The following ADRA1B variants were observed in gnomAD, a reference collection of about 807,000 sequenced individuals.
ADRA1B encodes the protein adrenoceptor alpha 1B.
A neutral mutation model predicts 17.9 loss-of-function variants in ADRA1B; 17 were observed. That is an observed-to-expected ratio of 0.95 (90% CI 0.65 to 1.42). ADRA1B has a LOEUF of 1.42. Ranked by LOEUF, ADRA1B falls within the 40% of genes most tolerant of loss-of-function variation. The pLI is 0.00. For missense variants in ADRA1B, 681 were observed against 722.1 expected, an observed-to-expected ratio of 0.94 and a Z score of 0.65; for synonymous variants, 366 against 327.6, an observed-to-expected ratio of 1.12 and a Z score of -1.27.
At position 159,916,833 on chromosome 5, in the gene ADRA1B, G is replaced by T. The variant is rs1418837954; in HGVS notation, c.-73G>T. On this transcript the variant is annotated 5_prime_UTR_variant, in exon 1 of 2. Coordinates refer to ENST00000306675, the MANE Select transcript of ADRA1B (RefSeq NM_000679.4). ...GACCACGGGGGAAGCAAAGTTTCAG[G>T]GCAGCTGAGGAGCCTTCGCCGCAGC... 6.6e-5 allele frequency: 94 copies of T among 1,430,724 alleles called. No individual in the cohort carries two copies. Among genetic ancestry groups the T allele is most frequent in the Non-Finnish European group, 8.4e-5 (89 of 1,057,362 alleles). The allele number at this position is 1,430,724 out of a possible 1,614,324, so 88.6% of individuals were successfully genotyped here. A position where few individuals can be genotyped will look rare whatever the true frequency, so the allele number is the denominator to read the frequency against.
intron 1 of ADRA1B, chr5:159,951,441 T>G: frequency 1.3e-6 from 1 of 752,522 alleles, no homozygotes. Context: ...AAAGCTGCCC[T>G]GGTGAGCAGG....
At chr5:159,939,325 G>A (rs1055932518) in intron 1 of ADRA1B, among the ~76,000 whole-genome samples, 2 of 117,628 alleles carry the variant, frequency 1.7e-5, no homozygotes, top group African/African-American at 2.9e-5. Context: ...GTGTGTGTGC[G>A]CGCGCGCGCG....
chr5:159,941,127 C>A (rs1755114175), intron 1 of ADRA1B, among the ~76,000 whole-genome samples: 1 of 152,184 alleles, frequency 6.6e-6, no homozygotes. Flanking sequence ...ACTGTGCTAT[C>A]AGATACAGTA....
At chr5:159,914,039 A>T (rs955786102), upstream of ADRA1B, among the ~76,000 whole-genome samples, 2 of 152,174 alleles carry the variant, frequency 1.3e-5, no homozygotes, top group African/African-American at 4.8e-5. Context: ...GTGGGAACTG[A>T]GTTCATGATA....
chr5:159,971,570 T>C (rs538199353), intron 1 of ADRA1B, among the ~76,000 whole-genome samples: 6 of 152,312 alleles, frequency 3.9e-5, no homozygotes, highest in African/African-American at 1.4e-4. Context: ...ATTATTGTTA[T>C]CACTTAGATT....
chr5:159,946,626 C>G (rs1755281320), intron 1 of ADRA1B, among the ~76,000 whole-genome samples: 1 of 152,192 alleles, frequency 6.6e-6, no homozygotes. Flanking sequence ...CTTCTGCAAT[C>G]AGAGATTTCT....
intron 1 of ADRA1B, among the ~76,000 whole-genome samples, chr5:159,959,703 G>T (rs184272307): frequency 1.5e-4 from 23 of 151,966 alleles, no homozygotes; most frequent in Middle Eastern, 3.4e-3. Context: ...CTAGATACTT[G>T]CATTTTAATA....
At chr5:159,903,875 C>T (rs1482716568) in intron 1 of ADRA1B, among the ~76,000 whole-genome samples, 1 of 152,120 alleles carries the variant, frequency 6.6e-6, no homozygotes, top group African/African-American at 2.4e-5. Context: ...GTGGAAGACT[C>T]AGGGCACAGC....
rs59807316 is a variant in ADRA1B at position 159,927,381 on chromosome 5, GCACACA to G, written c.949+9555_949+9560del. ...ATAATAAAATTATAAATTAAAACAT[GCACACA>G]CACACACACACACACACACACACAC... On this transcript the variant is annotated intron_variant, in intron 1 of 1. Transcript: ENST00000306675. Among the ~76,000 whole-genome samples the G allele has an allele frequency of 1.8e-3, 259 of 140,736 alleles. 1 individual carries two copies. Among genetic ancestry groups the G allele is most frequent in the African/African-American group, 5.2e-3 (195 of 37,374 alleles). The allele number at this position is 140,736 out of a possible 152,430, so 92.3% of individuals were successfully genotyped here. A position where few individuals can be genotyped will look rare whatever the true frequency, so the allele number is the denominator to read the frequency against.
At chr5:159,956,709 G>C (rs1235731403) in intron 1 of ADRA1B, among the ~76,000 whole-genome samples, 1 of 152,098 alleles carries the variant, frequency 6.6e-6, no homozygotes, top group Non-Finnish European at 1.5e-5. Context: ...TAGATCAAAA[G>C]CCATGCTCAT....
chr5:159,944,064 A>G (rs143852767), intron 1 of ADRA1B, among the ~76,000 whole-genome samples: 1 of 152,326 alleles, frequency 6.6e-6, no homozygotes, highest in Non-Finnish European at 1.5e-5. Flanking sequence ...ATTTATTTGT[A>G]TCACATCTTA....
intron 1 of ADRA1B, chr5:159,948,044 G>A (rs868824868): frequency 7.1e-6 from 7 of 985,220 alleles, no homozygotes; most frequent in East Asian, 2.3e-4. Flanking sequence ...CTGGCCCATC[G>A]GTTTCACAGA....
intron 1 of ADRA1B, chr5:159,951,306 C>A: frequency 7.5e-7 from 1 of 1,327,670 alleles, no homozygotes; most frequent in Non-Finnish European, 1.1e-6. Context: ...GACAAGCTTC[C>A]CTTTCTCAGC....
At chr5:159,966,220 CA>C (rs1755773827) in intron 1 of ADRA1B, among the ~76,000 whole-genome samples, 1 of 152,204 alleles carries the variant, frequency 6.6e-6, no homozygotes, top group Admixed American at 6.5e-5. Flanking sequence ...ATTAGATTTC[CA>C]GCCCAATCAG....
rs186505534 is a variant in ADRA1B at position 159,962,619 on chromosome 5, G to A, written c.950-9260G>A. Among the ~76,000 whole-genome samples, 5 of 151,522 alleles carry A rather than the reference G, an allele frequency of 3.3e-5. No homozygotes were observed. The East Asian group carries it at 9.7e-4, about 29-fold the overall frequency. On this transcript the variant is annotated intron_variant, in intron 1 of 1. Transcript: ENST00000306675. Reference sequence around the variant, plus strand: ...GAAACAGGAGCTAAAAAAGTTGGCGGCACATAACAAGGACCCAATACGCAC... The same window carrying A: ...GAAACAGGAGCTAAAAAAGTTGGCGACACATAACAAGGACCCAATACGCAC...
At chr5:159,879,013 C>T (rs557455759) in intron 1 of ADRA1B, among the ~76,000 whole-genome samples, 98 of 152,250 alleles carry the variant, frequency 6.4e-4, no homozygotes, top group African/African-American at 2.1e-3. Flanking sequence ...CACCCCGGCC[C>T]TGGGTGAGGC....
intron 1 of ADRA1B, among the ~76,000 whole-genome samples, chr5:159,885,396 C>T (rs1753912606): frequency 6.6e-6 from 1 of 152,174 alleles, no homozygotes; most frequent in South Asian, 2.1e-4. Flanking sequence ...ATGCTGCCTA[C>T]CAGTGATTGG....
At chr5:159,915,445 T>TTTTC (rs1267896757), upstream of ADRA1B, among the ~76,000 whole-genome samples, 23 of 152,322 alleles carry the variant, frequency 1.5e-4, no homozygotes, top group Admixed American at 7.8e-4. Flanking sequence ...TTCTTTGGCT[T>TTTTC]TTTCTTTCTT....
chr5:159,966,302 C>T (rs1755774983), intron 1 of ADRA1B, among the ~76,000 whole-genome samples: 1 of 152,130 alleles, frequency 6.6e-6, no homozygotes, highest in South Asian at 2.1e-4. Context: ...TGACAGACAC[C>T]TGGGATCCAG....
Sources: gnomAD v4.1 joint callset for allele counts (sites outside exome capture counted in the v4.1 genomes callset) on GRCh38, gnomAD v4.1.1 for gene constraint, MANE v1.5 for transcripts, NCBI Gene and HGNC (gene_info 2026-07-23, HGNC 2026-07-21) for gene names.